SDK1: variants seen among roughly 807,000 people sequenced by gnomAD.
SDK1 encodes protein sidekick-1.
In SDK1, 157 loss-of-function variants were observed where a neutral mutation model predicts 245.5. That is an observed-to-expected ratio of 0.64 (90% CI 0.56 to 0.73). The LOEUF (loss-of-function observed/expected upper bound fraction) is 0.73. SDK1 is among the 30% of genes least tolerant of loss of function. The pLI is 0.00. For synonymous variants in SDK1, 1,647 were observed against 1,278.5 expected, an observed-to-expected ratio of 1.29 and a Z score of -6.15; for missense variants, 3,583 against 3,002.3, an observed-to-expected ratio of 1.19 and a Z score of -4.52.
intron 1 of SDK1, among the ~76,000 whole-genome samples, chr7:3,490,549 A>G (rs935328095): frequency 1.3e-5 from 2 of 152,236 alleles, no homozygotes; most frequent in Admixed American, 1.3e-4. Context: ...TTTTGTGTCA[A>G]GAACTTACCA....
intron 1 of SDK1, among the ~76,000 whole-genome samples, chr7:3,540,476 T>C (rs905298954): frequency 6.6e-6 from 1 of 152,108 alleles, no homozygotes; most frequent in Non-Finnish European, 1.5e-5. Context: ...AGAAAAATAA[T>C]CCTTCAACAA....
intron 35 of SDK1, among the ~76,000 whole-genome samples, chr7:4,203,305 C>T (rs1783999293): frequency 6.6e-6 from 1 of 152,200 alleles, no homozygotes; most frequent in African/African-American, 2.4e-5. Flanking sequence ...CAAGATCCCT[C>T]TCCCAGGCCG....
chr7:4,068,761 G>A lies in SDK1; in HGVS notation c.3010+825G>A, dbSNP rs552324216. Among the ~76,000 whole-genome samples the A allele has an allele frequency of 2.4e-4, 35 of 145,496 alleles. No homozygotes were observed. The South Asian group carries it at 5.9e-3, about 24-fold the overall frequency. On this transcript the variant is annotated intron_variant, in intron 20 of 44. Coordinates refer to ENST00000404826, the MANE Select transcript of SDK1 (RefSeq NM_152744.4). ...TTATGAGACAGGGTCTTGCTCTCTC[G>A]CCCAGGCTGGAGTGCGGTGGCGTGA...
At chr7:4,051,869 C>G in intron 19 of SDK1, 39 bp downstream of exon 19, 2 of 1,564,266 alleles carry the variant, frequency 1.3e-6, no homozygotes, top group South Asian at 2.3e-5. Flanking sequence ...AGTCACTTGT[C>G]AAAGAGGTGT....
intron 1 of SDK1, among the ~76,000 whole-genome samples, chr7:3,509,067 G>GGTGTGTGTGTGTGTGTGC (rs1216961553): frequency 2.8e-5 from 4 of 143,410 alleles, no homozygotes; most frequent in African/African-American, 1.1e-4. Context: ...AGGAAGGTGG[G>GGTGTGTGTGTGTGTGTGC]GTGTGTGTGT....
At chr7:3,456,729 C>T (rs780594822) in intron 1 of SDK1, among the ~76,000 whole-genome samples, 1 of 152,116 alleles carries the variant, frequency 6.6e-6, no homozygotes, top group Non-Finnish European at 1.5e-5. Context: ...CTTTTTCTCA[C>T]TCAAGTTGTG....
chr7:3,653,018 G>T (rs1783056046), intron 4 of SDK1, among the ~76,000 whole-genome samples: 1 of 152,220 alleles, frequency 6.6e-6, no homozygotes, highest in South Asian at 2.1e-4. Context: ...TCCTCACTTT[G>T]GCTATTCCAT....
chr7:3,766,224 G>C (rs1780249793), intron 4 of SDK1, among the ~76,000 whole-genome samples: 1 of 152,142 alleles, frequency 6.6e-6, no homozygotes, highest in Non-Finnish European at 1.5e-5. Context: ...ATTTGCATTA[G>C]TTAATATTAA....
intron 5 of SDK1, among the ~76,000 whole-genome samples, chr7:3,821,799 T>G (rs1421644893): frequency 8.5e-5 from 13 of 152,174 alleles, no homozygotes; most frequent in Admixed American, 8.5e-4. Context: ...GTGGTACTTC[T>G]GAATGCCAGA....
chr7:3,349,593 G>A (rs1780602725), intron 1 of SDK1, among the ~76,000 whole-genome samples: 1 of 152,066 alleles, frequency 6.6e-6, no homozygotes, highest in South Asian at 2.1e-4. Flanking sequence ...TTGGGCCAGA[G>A]TACATGTATC....
intron 1 of SDK1, among the ~76,000 whole-genome samples, chr7:3,475,177 G>C (rs1258167855): frequency 6.6e-6 from 1 of 152,110 alleles, no homozygotes; most frequent in Non-Finnish European, 1.5e-5. Context: ...TGACTAGTTA[G>C]TTCCAGGGTC....
intron 1 of SDK1, among the ~76,000 whole-genome samples, chr7:3,401,943 G>A (rs761075825): frequency 7.9e-5 from 12 of 152,096 alleles, no homozygotes; most frequent in Non-Finnish European, 1.5e-4. Flanking sequence ...ACGTATGTGT[G>A]TAGCTGTCTT....
chr7:3,795,546 A>G (rs899702874), intron 4 of SDK1, among the ~76,000 whole-genome samples: 22 of 152,012 alleles, frequency 1.4e-4, no homozygotes, highest in Middle Eastern at 3.4e-3. Flanking sequence ...GCTCATGGAA[A>G]TTTTCCTTTT....
intron 1 of SDK1, among the ~76,000 whole-genome samples, chr7:3,536,106 G>T (rs556389286): frequency 6.6e-6 from 1 of 151,674 alleles, no homozygotes; most frequent in Non-Finnish European, 1.5e-5. Flanking sequence ...GCCCAGGCTG[G>T]AGTGCAGTGG....
intron 1 of SDK1, among the ~76,000 whole-genome samples, chr7:3,552,696 C>G (rs1316772553): frequency 6.6e-6 from 1 of 152,138 alleles, no homozygotes; most frequent in Non-Finnish European, 1.5e-5. Flanking sequence ...AGCCATTTGT[C>G]TTAGCTGTCA....
intron 1 of SDK1, among the ~76,000 whole-genome samples, chr7:3,488,100 T>C (rs73671852): frequency 0.012 from 1,777 of 152,296 alleles, 44 homozygotes; most frequent in African/African-American, 0.04. Flanking sequence ...TCAACTCTTG[T>C]GCAGATTCAT....
intron 1 of SDK1, among the ~76,000 whole-genome samples, chr7:3,563,644 C>G (rs1779817805): frequency 6.6e-6 from 1 of 152,070 alleles, no homozygotes; most frequent in Non-Finnish European, 1.5e-5. Context: ...TTAGTAAATC[C>G]TACAGTTGAA....
chr7:3,604,328 C>G (rs1430069315), intron 1 of SDK1, among the ~76,000 whole-genome samples: 2 of 152,010 alleles, frequency 1.3e-5, no homozygotes, highest in Non-Finnish European at 2.9e-5. Context: ...TTACTTTTCT[C>G]TGTCCCTTTT....
chr7:4,198,706 C>G (rs529736094), intron 35 of SDK1, among the ~76,000 whole-genome samples: 4 of 152,236 alleles, frequency 2.6e-5, no homozygotes, highest in African/African-American at 9.6e-5. Flanking sequence ...AGAGAAGCAG[C>G]TTGGACCTTA....
Sources: allele counts gnomAD v4.1 joint callset (sites outside exome capture counted in the v4.1 genomes callset), GRCh38; gene constraint gnomAD v4.1.1; transcripts MANE v1.5; gene names NCBI Gene and HGNC (gene_info 2026-07-23, HGNC 2026-07-21).